Variants in RPL4 observed in about 807,000 individuals in gnomAD.
The protein encoded by RPL4 is ribosomal protein L4.
In RPL4, 3 loss-of-function variants were observed where a neutral mutation model predicts 47.7. That is an observed-to-expected ratio of 0.06 (90% CI 0.03 to 0.16). RPL4 has a LOEUF of 0.16. RPL4 is among the 10% of genes least tolerant of loss of function. The pLI is 1.00. For missense variants in RPL4, 413 were observed against 551.3 expected, an observed-to-expected ratio of 0.75 and a Z score of 2.51; for synonymous variants, 208 against 182.1, an observed-to-expected ratio of 1.14 and a Z score of -1.15.
chr15:66,504,800 A>G lies in RPL4; in HGVS notation c.-10T>C, dbSNP rs1893724637. Reference sequence around the variant, plus strand: ...AACTTCCACTCACCATGGCGGAGAGAGGAGACAGCCACGCTCCTCTCAGCC... The same window carrying G: ...AACTTCCACTCACCATGGCGGAGAGGGGAGACAGCCACGCTCCTCTCAGCC... On this transcript the variant is annotated 5_prime_UTR_variant, in exon 1 of 10. Transcript: ENST00000307961. The G allele has an allele frequency of 3.1e-6, 5 of 1,611,694 alleles. No homozygotes were observed. The highest frequency in any genetic ancestry group is 4.2e-6 in the Non-Finnish European group (5 of 1,179,368).
At chr15:66,502,486 A>C in intron 4 of RPL4, 126 bp downstream of exon 4, 1 of 1,040,898 alleles carries the variant, frequency 9.6e-7, no homozygotes, top group Non-Finnish European at 1.4e-6. Context: ...TTTATGCTAA[A>C]AACATTCAAA....
intron 1 of RPL4, 110 bp from the exon 2 acceptor site, chr15:66,503,639 G>T: frequency 1.6e-6 from 2 of 1,229,560 alleles, no homozygotes; most frequent in Non-Finnish European, 2.2e-6. Flanking sequence ...GACTGGTATG[G>T]TGAGGCAAAC....
chr15:66,501,436 C>A lies in RPL4; in HGVS notation c.615G>T (p.Arg205Ser). ...KMRNRRRIQRRGPCIIYNEDN... is the reference protein window; with the variant it reads ...KMRNRRRIQRSGPCIIYNEDN... ...CCTCATTATAGATGATGCACGGGCC[C>A]CTGCGCTGGATACGGCGACGGTTTC... The change falls in exon 6 of 10, where the codon AGG becomes AGT. Residue 205 changes from arginine to serine, a missense_variant. By Grantham distance (110) the Arg-to-Ser change is moderately radical. This residue lies in a region of RPL4 where 214 missense variants were observed against 304.2 expected (regional missense o/e 0.70). Transcript: ENST00000307961. 1.2e-6 allele frequency: 2 copies of A among 1,614,078 alleles called. No individual in the cohort carries two copies. The highest frequency in any genetic ancestry group is 1.7e-6 in the Non-Finnish European group (2 of 1,180,032).
At chr15:66,500,570 G>C in intron 7 of RPL4, 194 bp from the exon 8 acceptor site, 1 of 593,222 alleles carries the variant, frequency 1.7e-6, no homozygotes, top group Non-Finnish European at 2.9e-6. Context: ...GAGGCGGGTG[G>C]ATCACCTAAG....
intron 6 of RPL4, 71 bp from the exon 7 acceptor site, chr15:66,501,176 A>AAAGGTACCTG: frequency 6.3e-7 from 1 of 1,581,000 alleles, no homozygotes; most frequent in Non-Finnish European, 8.7e-7. Context: ...TTTATGGCTT[A>AAAGGTACCTG]AGAGCTATAA....
rs144675019 is a variant in RPL4, at chr15:66,498,774, G to T, written c.*633C>A. ...TGACTGGCTATTTTTTATATTTTCA[G>T]TAGAGACGAGATTTCATCATGTTGA... On this transcript the variant is annotated 3_prime_UTR_variant, in exon 10 of 10. Coordinates refer to ENST00000307961, the MANE Select transcript of RPL4 (RefSeq NM_000968.4). 0.012 allele frequency: 1,876 copies of T among 152,472 alleles called. 32 individuals are homozygous for T. The highest frequency in any genetic ancestry group is 0.041 in the African/African-American group (1,712 of 41,546). 9.4% of individuals were successfully genotyped at this position (152,472 alleles called of 1,614,324 possible). A position where few individuals can be genotyped will look rare whatever the true frequency, so the allele number is the denominator to read the frequency against.
intron 3 of RPL4, 139 bp from the exon 4 acceptor site, chr15:66,502,889 C>T: frequency 5.7e-6 from 8 of 1,399,860 alleles, no homozygotes; most frequent in East Asian, 2.3e-5. Flanking sequence ...CAGAGTAAGA[C>T]GCAAATTACG....
chr15:66,504,810 C>A lies in RPL4; in HGVS notation c.-20G>T, dbSNP rs376668284. ...CACCATGGCGGAGAGAGGAGACAGC[C>A]ACGCTCCTCTCAGCCCGGCTGCTGC... On this transcript the variant is annotated 5_prime_UTR_variant, in exon 1 of 10. Coordinates refer to ENST00000307961, the MANE Select transcript of RPL4 (RefSeq NM_000968.4). 1.2e-6 allele frequency: 2 copies of A among 1,611,194 alleles called. No individual in the cohort carries two copies. The highest frequency in any genetic ancestry group is 2.7e-5 in the African/African-American group (2 of 74,858).
intron 5 of RPL4, 73 bp downstream of exon 5, chr15:66,501,715 T>C: frequency 6.3e-7 from 1 of 1,584,132 alleles, no homozygotes; most frequent in Non-Finnish European, 8.6e-7. Flanking sequence ...TATACTGCCC[T>C]TATCTTCTGA....
chr15:66,501,796 T>C lies in RPL4; in HGVS notation c.538A>G (p.Ile180Val), dbSNP rs747005278. Residue 180 changes from isoleucine (I) to valine (V), a missense_variant, in exon 5 of 10, where the codon ATC (isoleucine) becomes GTC (valine). Transcript: ENST00000307961. ...LLKKLKAWND[I>V]KKVYASQRMR... ...GTGCTCATTGAACGGACCTTTTTGA[T>C]ATCATTCCAGGCTTTAAGTTTCTTA... 3 of 1,609,736 alleles carry C rather than the reference T, an allele frequency of 1.9e-6. No individual in the cohort carries two copies. In the African/African-American group the frequency reaches 4.0e-5, roughly 22 times the overall value.
chr15:66,500,204 A>G (rs1419863194), intron 8 of RPL4, 28 bp from the exon 9 acceptor site: 1 of 1,613,830 alleles, frequency 6.2e-7, no homozygotes, highest in Admixed American at 1.7e-5. Flanking sequence ...CTGTATCAAC[A>G]TTTTACTTAA....
chr15:66,499,625 C>G lies in RPL4; in HGVS notation c.1066G>C (p.Ala356Pro). Residue 356 changes from alanine (A) to proline (P), a missense_variant, in exon 10 of 10, where the codon GCT (alanine) becomes CCT (proline). Physicochemically the swap from Ala to Pro is conservative, Grantham distance 27 (BLOSUM62 -1). Around this residue, in one of 4 missense-constraint regions of RPL4, gnomAD observed 134 missense variants for 122.7 expected, o/e 1.09. Coordinates refer to ENST00000307961, the MANE Select transcript of RPL4 (RefSeq NM_000968.4). ...NHKLRVDKAA[A>P]AAAALQAKSD... ...TTGGCTTGTAGTGCCGCTGCTGCAGCAGCTGCCTTATCCACCCGGAGCTTG... is the reference window on the plus strand; with the variant it reads ...TTGGCTTGTAGTGCCGCTGCTGCAGGAGCTGCCTTATCCACCCGGAGCTTG... 1 of 1,614,002 alleles carries G rather than the reference C, an allele frequency of 6.2e-7. No homozygotes were observed. Among genetic ancestry groups the G allele is most frequent in the Non-Finnish European group, 8.5e-7 (1 of 1,179,868 alleles).
chr15:66,498,273 G>A lies in RPL4; in HGVS notation c.*1134C>T, dbSNP rs564773353. 1 of 153,142 alleles carries A rather than the reference G, an allele frequency of 6.5e-6. No individual in the cohort carries two copies. Among genetic ancestry groups the A allele is most frequent in the East Asian group, 1.9e-4 (1 of 5,202 alleles). The allele number at this position is 153,142 out of a possible 1,614,324, so 9.5% of individuals were successfully genotyped here. ...AGGCTGCACAAAATAGAGAAATAAAGAGCATGAAAATAAAGCCGTGCTAAG... is the reference window on the plus strand; with the variant it reads ...AGGCTGCACAAAATAGAGAAATAAAAAGCATGAAAATAAAGCCGTGCTAAG... On this transcript the variant is annotated 3_prime_UTR_variant, in exon 10 of 10. Coordinates refer to ENST00000307961, the MANE Select transcript of RPL4 (RefSeq NM_000968.4).
Position 66,499,252 on chromosome 15 carries a change from A to C in RPL4, c.*155T>G, listed in dbSNP as rs750352680. The C allele has an allele frequency of 3.8e-5, 34 of 893,732 alleles. No homozygotes were observed. The highest frequency in any genetic ancestry group is 5.5e-5 in the Non-Finnish European group (32 of 585,962). The allele number at this position is 893,732 out of a possible 1,614,324, so 55.4% of individuals were successfully genotyped here. A position where few individuals can be genotyped will look rare whatever the true frequency, so the allele number is the denominator to read the frequency against. ...ACACTATATAAAATGTAACAGTCTA[A>C]ATTATGGCCAACAAAATGTCACTTT... On this transcript the variant is annotated 3_prime_UTR_variant, in exon 10 of 10. Transcript: ENST00000307961.
chr15:66,502,399 G>A, intron 4 of RPL4: 1 of 562,062 alleles, frequency 1.8e-6, no homozygotes, highest in Non-Finnish European at 3.1e-6. Context: ...TGTATTTCTG[G>A]AGTACATTTG....
Position 66,499,531 on chromosome 15 carries a change from A to G in RPL4, c.1160T>C (p.Val387Ala). The change falls in exon 10 of 10, where the codon GTT (valine) becomes GCT (alanine). Residue 387 changes from valine (V) to alanine (A), a missense_variant. By Grantham distance (64) the Val-to-Ala change is moderately conservative (BLOSUM62 0). Transcript: ENST00000307961. ...VVGKKGKKAA[V>A]GVKKQKKPLV... ...AGGCTTCTTCTGCTTCTTAACACCA[A>G]CAGCAGCCTTCTTTCCTTTCTTACC... is the stretch of plus-strand genomic sequence containing the variant. 1 of 1,612,860 alleles carries G rather than the reference A, an allele frequency of 6.2e-7. No homozygotes were observed. The highest frequency in any genetic ancestry group is 8.5e-7 in the Non-Finnish European group (1 of 1,179,836).
intron 4 of RPL4, 104 bp downstream of exon 4, chr15:66,502,508 T>C: frequency 2.5e-6 from 3 of 1,186,016 alleles, no homozygotes; most frequent in South Asian, 1.5e-5. Context: ...TATTCTCTTC[T>C]AGCCATCTTG....
rs750147439 is a variant in RPL4, at chr15:66,504,808, G to C, written c.-18C>G. 15 of 1,611,194 alleles carry C rather than the reference G, an allele frequency of 9.3e-6. No homozygotes were observed. Among genetic ancestry groups the C allele is most frequent in the Non-Finnish European group, 1.2e-5 (14 of 1,179,300 alleles). ...CTCACCATGGCGGAGAGAGGAGACA[G>C]CCACGCTCCTCTCAGCCCGGCTGCT... On this transcript the variant is annotated 5_prime_UTR_variant, in exon 1 of 10. Transcript: ENST00000307961.
rs1893729373 is a variant in RPL4, at chr15:66,504,849, A to G, written c.-59T>C. The G allele has an allele frequency of 1.9e-6, 3 of 1,602,092 alleles. No individual in the cohort carries two copies. Among genetic ancestry groups the G allele is most frequent in the Non-Finnish European group, 2.6e-6 (3 of 1,174,498 alleles). On this transcript the variant is annotated 5_prime_UTR_variant, in exon 1 of 10. Transcript: ENST00000307961. ...CCCGGCTGCTGCCACAGGAAAAGGA[A>G]GTGCTTACCACTCCCGCTGTATATG...
Sources: gnomAD v4.1 joint callset for allele counts on GRCh38, gnomAD v4.1.1 for gene constraint, gnomAD v4.1.1 regional missense constraint, MANE v1.5 for transcripts, NCBI Gene and HGNC (gene_info 2026-07-23, HGNC 2026-07-21) for gene names.